HOOK2: variants seen among roughly 807,000 people sequenced by gnomAD.
The protein encoded by HOOK2 is protein Hook homolog 2.
Under a neutral mutation model 111.9 loss-of-function variants are expected in HOOK2, and 108 were observed. That is an observed-to-expected ratio of 0.96 (90% CI 0.83 to 1.13). The LOEUF is 1.13. Among genes scored for constraint, HOOK2 ranks in the 50% most tolerant of loss-of-function variants. The pLI is 0.00. For synonymous variants in HOOK2, 405 were observed against 394.3 expected (o/e 1.03, Z -0.32); for missense variants, 978 against 951.3 (o/e 1.03, Z -0.37).
At chr19:12,774,520 G>T in intron 3 of HOOK2, 149 bp downstream of exon 3, 1 of 757,856 alleles carries the variant, frequency 1.3e-6, no homozygotes, top group African/African-American at 1.7e-5. Flanking sequence ...GGCACAGGGT[G>T]AGTACTCCAT....
chr19:12,775,646 G>T (rs543628890), upstream of HOOK2: 103 of 411,954 alleles, frequency 2.5e-4, no homozygotes, highest in African/African-American at 2.8e-3. Flanking sequence ...CCCTACGCCC[G>T]CTCTTGCCTC....
intron 7 of HOOK2, 49 bp from the exon 8 acceptor site, chr19:12,771,526 G>T (rs755121132): frequency 5.3e-6 from 8 of 1,507,844 alleles, no homozygotes; most frequent in Middle Eastern, 1.7e-4. Flanking sequence ...GAGAAGGACG[G>T]GGGGAGGGAG....
intron 3 of HOOK2, among the ~76,000 whole-genome samples, chr19:12,789,201 G>GAGAGAGAGAGAC (rs750359107): frequency 8.2e-6 from 1 of 121,694 alleles, no homozygotes; most frequent in Admixed American, 7.6e-5. Flanking sequence ...GACAAAGAGA[G>GAGAGAGAGAGAC]AGAGAGAGAG....
In HOOK2 at chr19:12,769,925, G is replaced by C. The variant is rs918508896; in HGVS notation, c.1060C>G (p.Arg354Gly). ...RTRQLEDELR[R>G]AGSLRAQLEA... ...AGCTGGGCGCGCAGGGAGCCCGCTC[G>C]GCGTAGCTCATCCTCCAGTTGTCGC... Residue 354 changes from arginine to glycine, a missense_variant, in exon 11 of 23, where the codon CGA becomes GGA. Physicochemically the swap from Arg to Gly is moderately radical, Grantham distance 125. Coordinates refer to ENST00000397668, the MANE Select transcript of HOOK2 (RefSeq NM_013312.3). 11 of 1,544,646 alleles carry C rather than the reference G, an allele frequency of 7.1e-6. No homozygotes were observed. Among genetic ancestry groups the C allele is most frequent in the Non-Finnish European group, 8.7e-6 (10 of 1,154,024 alleles).
At chr19:12,774,439 C>A in intron 3 of HOOK2, 1 of 600,652 alleles carries the variant, frequency 1.7e-6, no homozygotes, top group South Asian at 1.9e-5. Context: ...GTATGTGTTG[C>A]TTGTCACTAG....
At position 12,771,032 on chromosome 19, in the gene HOOK2, C is replaced by T. The variant is rs371831614; in HGVS notation, c.802G>A (p.Glu268Lys). The T allele has an allele frequency of 1.9e-6, 3 of 1,612,768 alleles. No homozygotes were observed. Among genetic ancestry groups the T allele is most frequent in the African/African-American group, 1.3e-5 (1 of 74,904 alleles). The change falls in exon 10 of 23, where the codon GAG (glutamate) becomes AAG (lysine). Residue 268 changes from glutamate (E) to lysine (K), a missense_variant. Transcript: ENST00000397668. Reference sequence around the variant, plus strand: ...AGCTCCGCAACCTCCCTCTCCAGCTCGGCACAGCGCAGGCGCTCATCCTCC... The same window carrying T: ...AGCTCCGCAACCTCCCTCTCCAGCTTGGCACAGCGCAGGCGCTCATCCTCC... ...GREDERLRCA[E>K]LEREVAELQH...
chr19:12,764,967 T>C, intron 19 of HOOK2, 32 bp downstream of exon 19: 1 of 1,613,858 alleles, frequency 6.2e-7, no homozygotes, highest in African/African-American at 1.3e-5. Context: ...CTCTGGGATC[T>C]CCCCACCCTC....
At chr19:12,776,904 TC>T (rs1968530941), upstream of HOOK2, among the ~76,000 whole-genome samples, 1 of 151,264 alleles carries the variant, frequency 6.6e-6, no homozygotes, top group African/African-American at 2.4e-5. Flanking sequence ...CACGTCTGTA[TC>T]CCAGCACTTT....
upstream of HOOK2, chr19:12,775,604 A>G (rs1028517242): frequency 1.3e-5 from 7 of 559,158 alleles, no homozygotes; most frequent in African/African-American, 2.0e-4. Context: ...CCCGCCCCCA[A>G]GCCCAGGCTC....
chr19:12,780,724 A>C (rs1599518434), upstream of HOOK2, among the ~76,000 whole-genome samples: 9 of 106,136 alleles, frequency 8.5e-5, no homozygotes, highest in South Asian at 2.9e-3. Context: ...CACGCCTGTA[A>C]TCCCAGCACT....
Position 12,763,428 on chromosome 19 carries a change from T to A in HOOK2, c.2014A>T (p.Met672Leu). The change falls in exon 23 of 23, where the codon ATG (methionine) becomes TTG (leucine). Residue 672 changes from methionine (M) to leucine (L), a missense_variant. Physicochemically the swap from Met to Leu is conservative, Grantham distance 15 (BLOSUM62 2). Coordinates refer to ENST00000397668, the MANE Select transcript of HOOK2 (RefSeq NM_013312.3). ...TCCCCAGCTCGCTGCTGCAAGGCCATGCCCTTCAGGAGGAGGTGTGGTTGG... is the reference window on the plus strand; with the variant it reads ...TCCCCAGCTCGCTGCTGCAAGGCCAAGCCCTTCAGGAGGAGGTGTGGTTGG... ...LLISAWYNMG[M>L]ALQQRAGEER... is the part of the protein sequence containing the mutation. The A allele has an allele frequency of 6.2e-7, 1 of 1,613,710 alleles. No individual in the cohort carries two copies. Among genetic ancestry groups the A allele is most frequent in the East Asian group, 2.2e-5 (1 of 44,894 alleles).
intron 14 of HOOK2, 72 bp downstream of exon 14, chr19:12,767,323 G>A: frequency 1.1e-5 from 14 of 1,286,540 alleles, no homozygotes; most frequent in Non-Finnish European, 1.6e-5. Flanking sequence ...AAGATGGGAG[G>A]GCGGGAGCGG....
chr19:12,784,143 G>A (rs1291171449), intron 3 of HOOK2, among the ~76,000 whole-genome samples: 4 of 152,182 alleles, frequency 2.6e-5, no homozygotes, highest in African/African-American at 9.7e-5. Context: ...ACAGACGGAG[G>A]AGGGTCAGCC....
chr19:12,766,236 T>C lies in HOOK2; in HGVS notation c.1378A>G (p.Thr460Ala). 1 of 1,578,042 alleles carries C rather than the reference T, an allele frequency of 6.3e-7. No individual in the cohort carries two copies. Among genetic ancestry groups the C allele is most frequent in the Non-Finnish European group, 8.6e-7 (1 of 1,168,890 alleles). ...TTCTCCAGCTGAAGCCGCAGGAGCG[T>C]CTCCCTGCAGACCCGGGAGGAGAGA... is the stretch of plus-strand genomic sequence containing the variant. ...AEILPAELRETLLRLQLENKR... is the reference protein window; with the variant it reads ...AEILPAELREALLRLQLENKR... Residue 460 changes from threonine to alanine, a missense_variant, in exon 15 of 23, where the codon ACG (threonine) becomes GCG (alanine). By Grantham distance (58) the Thr-to-Ala change is moderately conservative. Coordinates refer to ENST00000397668, the MANE Select transcript of HOOK2 (RefSeq NM_013312.3).
At position 12,773,203 on chromosome 19, in the gene HOOK2, C is replaced by T. The variant is rs1599500994; in HGVS notation, c.205-159G>A. 4.9e-6 allele frequency: 3 copies of T among 613,724 alleles called. No homozygotes were observed. In the African/African-American group the frequency reaches 5.6e-5, roughly 12 times the overall value. The allele number at this position is 613,724 out of a possible 1,614,324, so 38.0% of individuals were successfully genotyped here. ...GGGGTGACCTGTCTGGCTGTCTGCC[C>T]CTTTTGTCTGCCTGACCATCTTTGT... is the stretch of plus-strand genomic sequence containing the variant. On this transcript the variant is annotated intron_variant, in intron 3 of 22. Coordinates refer to ENST00000397668, the MANE Select transcript of HOOK2 (RefSeq NM_013312.3).
At chr19:12,779,240 C>T (rs1010029396), upstream of HOOK2, among the ~76,000 whole-genome samples, 1 of 152,136 alleles carries the variant, frequency 6.6e-6, no homozygotes, top group African/African-American at 2.4e-5. Context: ...CTCCCTGTGG[C>T]CACAGCTGGA....
chr19:12,763,514 GACCCCAC>G lies in HOOK2; in HGVS notation c.2010+7_2010+13del. On this transcript the variant is annotated splice_region_variant and intron_variant, in intron 22 of 22. Coordinates refer to ENST00000397668, the MANE Select transcript of HOOK2 (RefSeq NM_013312.3). ...TCTACCCATGAGATCTTAGAGCCCA[GACCCCAC>G]ACTTACCATATTATACCAGGCACTG... The G allele has an allele frequency of 6.2e-7, 1 of 1,614,190 alleles. No individual in the cohort carries two copies. The highest frequency in any genetic ancestry group is 1.7e-5 in the Admixed American group (1 of 60,034).
At chr19:12,784,767 C>T (rs530639948) in intron 3 of HOOK2, 3 of 152,300 alleles carry the variant, frequency 2.0e-5, no homozygotes, top group Non-Finnish European at 2.9e-5. Context: ...CAGATCCTGA[C>T]ACGCAAGAGA....
chr19:12,765,920 C>T lies in HOOK2; in HGVS notation c.1599+7G>A. The stretch of plus-strand genomic sequence containing the variant: ...GGCCAGGCTGGGAGGTGGTGGGTGA[C>T]ACTCACATCTTCAGTCTTGCCCCCC... On this transcript the variant is annotated splice_region_variant and intron_variant, in intron 16 of 22. Transcript: ENST00000397668. 1 of 1,613,772 alleles carries T rather than the reference C, an allele frequency of 6.2e-7. No homozygotes were observed.
Sources: allele counts gnomAD v4.1 joint callset (sites outside exome capture counted in the v4.1 genomes callset), GRCh38; gene constraint gnomAD v4.1.1; transcripts MANE v1.5; gene names NCBI Gene and HGNC (gene_info 2026-07-23, HGNC 2026-07-21).